FUT8: variants seen among roughly 807,000 people sequenced by gnomAD.
FUT8 encodes the protein alpha-(1,6)-fucosyltransferase.
A neutral mutation model predicts 71.3 loss-of-function variants in FUT8; 29 were observed. The observed-to-expected ratio is 0.41, with a 90% CI of 0.30 to 0.55. The LOEUF (loss-of-function observed/expected upper bound fraction) is 0.55. FUT8 is among the 20% of genes least tolerant of loss of function. The pLI is 0.34. For missense variants in FUT8, 544 were observed against 702.1 expected (o/e 0.77, Z 2.55); for synonymous variants, 254 against 239.3 (o/e 1.06, Z -0.57).
chr14:65,612,606 T>C (rs1442016095), intron 3 of FUT8, among the ~76,000 whole-genome samples: 1 of 152,244 alleles, frequency 6.6e-6, no homozygotes, highest in Non-Finnish European at 1.5e-5. Flanking sequence ...AACTCTGTCT[T>C]GGTCTTTTTA....
chr14:65,412,511 A>C (rs1428271718), upstream of FUT8: 1 of 358,894 alleles, frequency 2.8e-6, no homozygotes, highest in Non-Finnish European at 5.5e-6. Context: ...TGCGAGCCGG[A>C]GCCGGCGTGC....
At chr14:65,468,099 C>G in intron 2 of FUT8, 3 of 632,010 alleles carry the variant, frequency 4.7e-6, no homozygotes, top group Non-Finnish European at 8.8e-6. Context: ...TGCTGAGTAA[C>G]GTGTTTGTTT....
intron 3 of FUT8, among the ~76,000 whole-genome samples, chr14:65,565,275 A>G (rs1194009638): frequency 1.3e-5 from 2 of 151,904 alleles, no homozygotes; most frequent in Non-Finnish European, 1.5e-5. Flanking sequence ...CCATAACCCA[A>G]ATACCTCCCA....
chr14:65,426,627 C>T (rs1047864456), intron 1 of FUT8, among the ~76,000 whole-genome samples: 1 of 152,078 alleles, frequency 6.6e-6, no homozygotes, highest in African/African-American at 2.4e-5. Context: ...TGTTGCTTTC[C>T]TTTTAGTTTA....
At chr14:65,554,049 T>C (rs1343722652) in intron 2 of FUT8, among the ~76,000 whole-genome samples, 1 of 152,110 alleles carries the variant, frequency 6.6e-6, no homozygotes, top group Non-Finnish European at 1.5e-5. Flanking sequence ...CACTAGATCA[T>C]TGGATATTAT....
chr14:65,505,858 A>G (rs1382984515), intron 2 of FUT8, among the ~76,000 whole-genome samples: 2 of 151,850 alleles, frequency 1.3e-5, no homozygotes. Flanking sequence ...TTTCCCTTGT[A>G]TCTCACCGTC....
At chr14:65,581,696 C>T (rs575915628) in intron 3 of FUT8, among the ~76,000 whole-genome samples, 18 of 152,042 alleles carry the variant, frequency 1.2e-4, no homozygotes, top group Non-Finnish European at 2.2e-4. Flanking sequence ...CCAGTTAAAA[C>T]CTACTGGAAT....
At chr14:65,407,452 G>T (rs1595331990), upstream of FUT8, among the ~76,000 whole-genome samples, 1 of 152,074 alleles carries the variant, frequency 6.6e-6, no homozygotes, top group Non-Finnish European at 1.5e-5. Context: ...ACATTAAAAT[G>T]TTTTTAATGT....
chr14:65,496,751 T>C (rs2066565861), intron 2 of FUT8, among the ~76,000 whole-genome samples: 1 of 152,176 alleles, frequency 6.6e-6, no homozygotes. Context: ...AGTGTGAGAA[T>C]GGACTCTGGC....
At chr14:65,654,972 C>T (rs1005224610) in intron 6 of FUT8, among the ~76,000 whole-genome samples, 1 of 151,712 alleles carries the variant, frequency 6.6e-6, no homozygotes, top group Non-Finnish European at 1.5e-5. Flanking sequence ...AGGCTGATCT[C>T]GAACTCTGAC....
At chr14:65,696,491 T>C (rs1281150259) in intron 7 of FUT8, among the ~76,000 whole-genome samples, 2 of 152,166 alleles carry the variant, frequency 1.3e-5, no homozygotes, top group African/African-American at 4.8e-5. Flanking sequence ...TTTCTGACTT[T>C]TTGCAGTTTG....
chr14:65,411,881 G>A (rs2065129600), upstream of FUT8: 1 of 370,818 alleles, frequency 2.7e-6, no homozygotes, highest in Non-Finnish European at 5.3e-6. Context: ...TTTGTGTGCT[G>A]GGGCGGCGCG....
chr14:65,462,253 T>C (rs901494911), intron 2 of FUT8, among the ~76,000 whole-genome samples: 7 of 152,188 alleles, frequency 4.6e-5, no homozygotes, highest in African/African-American at 1.4e-4. Context: ...ATTTGTTTAT[T>C]TGGGTGAAGC....
intron 1 of FUT8, among the ~76,000 whole-genome samples, chr14:65,426,055 G>A (rs192799986): frequency 1.3e-5 from 2 of 151,852 alleles, no homozygotes; most frequent in East Asian, 1.9e-4. Flanking sequence ...CATGCTGTAC[G>A]TTAGATCTCT....
intron 2 of FUT8, among the ~76,000 whole-genome samples, chr14:65,512,018 C>T (rs1274465132): frequency 2.0e-5 from 3 of 152,152 alleles, no homozygotes; most frequent in African/African-American, 7.2e-5. Flanking sequence ...AGCCTACTAC[C>T]CACCTGGGGT....
At chr14:65,414,398 AATT>A (rs1218316197) in intron 1 of FUT8, among the ~76,000 whole-genome samples, 6 of 152,212 alleles carry the variant, frequency 3.9e-5, no homozygotes, top group African/African-American at 1.2e-4. Flanking sequence ...TTAGGAGAGA[AATT>A]ATTATTTAAG....
chr14:65,612,412 A>C (rs1447471424), intron 3 of FUT8, among the ~76,000 whole-genome samples: 5 of 152,192 alleles, frequency 3.3e-5, no homozygotes, highest in Non-Finnish European at 7.3e-5. Context: ...TGATAGGATC[A>C]GGAACTGTTT....
At chr14:65,720,318 G>A (rs906652721) in intron 7 of FUT8, among the ~76,000 whole-genome samples, 1 of 152,102 alleles carries the variant, frequency 6.6e-6, no homozygotes, top group Admixed American at 6.5e-5. Flanking sequence ...TCTTCAGTCA[G>A]CTTGTGGTGA....
chr14:65,522,004 A>G (rs1258355790), intron 2 of FUT8, among the ~76,000 whole-genome samples: 1 of 152,164 alleles, frequency 6.6e-6, no homozygotes, highest in Admixed American at 6.5e-5. Flanking sequence ...AAAAGTCACC[A>G]TTAATTAGTA....
Sources: allele counts gnomAD v4.1 joint callset (sites outside exome capture counted in the v4.1 genomes callset), GRCh38; gene constraint gnomAD v4.1.1; transcripts MANE v1.5; gene names NCBI Gene and HGNC (gene_info 2026-07-23, HGNC 2026-07-21).